ATP6V1C1: variants seen among roughly 807,000 people sequenced by gnomAD.
The protein encoded by ATP6V1C1 is ATPase H+ transporting V1 subunit C1, also known as V-type proton ATPase subunit C 1.
ATP6V1C1 carries 45 observed loss-of-function variants against 53.9 expected under a neutral mutation model. The ratio of observed to expected loss-of-function variants is 0.83; its 90% CI spans 0.66 to 1.07. The LOEUF (loss-of-function observed/expected upper bound fraction) is 1.07. Ranked by LOEUF, ATP6V1C1 falls within the 50% of genes least tolerant of loss-of-function variation. ATP6V1C1 has a pLI of 0.00. For missense variants in ATP6V1C1, 315 were observed against 440.3 expected (o/e 0.72, Z 2.55); for synonymous variants, 153 against 155.2 (o/e 0.99, Z 0.11).
chr8:103,071,548 G>T lies in ATP6V1C1; in HGVS notation c.*2801G>T, dbSNP rs1454955188. 6.6e-6 allele frequency: 1 copy of T among 152,258 alleles called. No individual in the cohort carries two copies. The highest frequency in any genetic ancestry group is 2.4e-5 in the African/African-American group (1 of 41,452). The allele number at this position is 152,258 out of a possible 1,614,324, so 9.4% of individuals were successfully genotyped here. ...TAACCTGAGTCCGAGATGGACAATG[G>T]TATAGGAAAGATATTCGGTATGGAG... On this transcript the variant is annotated 3_prime_UTR_variant, in exon 13 of 13. Transcript: ENST00000518738.
rs1181388029 is a variant in ATP6V1C1, at chr8:103,071,549, T to C, written c.*2802T>C. The C allele has an allele frequency of 3.3e-5, 5 of 152,268 alleles. No homozygotes were observed. Among genetic ancestry groups the C allele is most frequent in the Non-Finnish European group, 5.9e-5 (4 of 68,098 alleles). 9.4% of individuals were successfully genotyped at this position (152,268 alleles called of 1,614,324 possible). A position where few individuals can be genotyped will look rare whatever the true frequency, so the allele number is the denominator to read the frequency against. On this transcript the variant is annotated 3_prime_UTR_variant, in exon 13 of 13. Transcript: ENST00000518738. ...AACCTGAGTCCGAGATGGACAATGG[T>C]ATAGGAAAGATATTCGGTATGGAGA...
chr8:103,064,336 C>T (rs1274800958), intron 10 of ATP6V1C1, among the ~76,000 whole-genome samples: 2 of 152,144 alleles, frequency 1.3e-5, no homozygotes, highest in Non-Finnish European at 1.5e-5. Flanking sequence ...AGTTGAATTT[C>T]ATTTTACATG....
At position 103,052,816 on chromosome 8, in the gene ATP6V1C1, A is replaced by G; in HGVS notation, c.467A>G (p.Lys156Arg). The stretch of plus-strand genomic sequence containing the variant: ...GGAAATCTTCAGAATTTGGAACGAA[A>G]GAATGCGTAAGCAGATCAAGTATAT... ...LKGNLQNLER[K>R]NAGSLLTRSL... The change falls in exon 6 of 13, where the codon AAG (lysine) becomes AGG (arginine). Residue 156 changes from lysine (K) to arginine (R), a missense_variant. Transcript: ENST00000518738. 1 of 1,584,046 alleles carries G rather than the reference A, an allele frequency of 6.3e-7. No homozygotes were observed.
chr8:103,023,111 A>T (rs978215366), intron 1 of ATP6V1C1, among the ~76,000 whole-genome samples: 1 of 152,154 alleles, frequency 6.6e-6, no homozygotes, highest in Admixed American at 6.5e-5. Flanking sequence ...AGGCCCTGAA[A>T]TGTGAAGAGG....
chr8:103,055,164 A>C (rs1377897052), intron 7 of ATP6V1C1, among the ~76,000 whole-genome samples: 2 of 152,166 alleles, frequency 1.3e-5, no homozygotes, highest in Non-Finnish European at 2.9e-5. Flanking sequence ...TTTTGCCCAG[A>C]TGAAATATTT....
chr8:103,029,571 C>T (rs1467732918), intron 1 of ATP6V1C1, among the ~76,000 whole-genome samples: 2 of 152,028 alleles, frequency 1.3e-5, no homozygotes, highest in Non-Finnish European at 2.9e-5. Context: ...CCCAGCCCAT[C>T]TGTTGTTTCT....
chr8:103,055,015 AGGCCTTAAATCT>A (rs1817265720), intron 7 of ATP6V1C1, among the ~76,000 whole-genome samples: 1 of 152,100 alleles, frequency 6.6e-6, no homozygotes, highest in Admixed American at 6.6e-5. Flanking sequence ...CACAGGGAGA[AGGCCTTAAATCT>A]AAGGATTTCA....
At chr8:103,046,231 C>G (rs543790601) in intron 3 of ATP6V1C1, among the ~76,000 whole-genome samples, 1 of 151,488 alleles carries the variant, frequency 6.6e-6, no homozygotes, top group South Asian at 2.1e-4. Flanking sequence ...TTTTCAGAGA[C>G]AGGGTCTTGG....
At chr8:103,054,008 T>G in intron 7 of ATP6V1C1, 26 bp downstream of exon 7, 1 of 1,552,726 alleles carries the variant, frequency 6.4e-7, no homozygotes, top group Non-Finnish European at 8.8e-7. Context: ...ATAAAAGGTT[T>G]TACTTGTTAA....
intron 1 of ATP6V1C1, among the ~76,000 whole-genome samples, chr8:103,027,703 C>CT (rs922086811): frequency 2.0e-4 from 28 of 143,526 alleles, no homozygotes; most frequent in African/African-American, 2.6e-4. Flanking sequence ...ATAATTGTTA[C>CT]TTTTTTTTTT....
chr8:103,064,792 T>C lies in ATP6V1C1; in HGVS notation c.907T>C (p.Phe303Leu). 1 of 1,612,894 alleles carries C rather than the reference T, an allele frequency of 6.2e-7. No homozygotes were observed. The highest frequency in any genetic ancestry group is 8.5e-7 in the Non-Finnish European group (1 of 1,179,568). ...GATTCACGTGAAAGCATTACGGGTT[T>C]TCGTTGAGTCTGTTTTAAGGTAAAG... ...AWIHVKALRV[F>L]VESVLRYGLP... Residue 303 changes from phenylalanine to leucine, a missense_variant, in exon 11 of 13, where the codon TTC (phenylalanine) becomes CTC (leucine). Physicochemically the swap from Phe to Leu is conservative, Grantham distance 22. Coordinates refer to ENST00000518738, the MANE Select transcript of ATP6V1C1 (RefSeq NM_001695.5).
intron 6 of ATP6V1C1, 51 bp from the exon 7 acceptor site, chr8:103,053,833 T>A (rs531212679): frequency 6.1e-6 from 8 of 1,316,082 alleles, no homozygotes; most frequent in Admixed American, 5.2e-5. Context: ...TCTTTACTTG[T>A]GTTACAGAAG....
intron 8 of ATP6V1C1, among the ~76,000 whole-genome samples, chr8:103,057,836 T>G (rs1272737064): frequency 6.6e-6 from 1 of 152,224 alleles, no homozygotes; most frequent in African/African-American, 2.4e-5. Context: ...GAATGTTTTT[T>G]TTTTCATTTG....
intron 1 of ATP6V1C1, among the ~76,000 whole-genome samples, chr8:103,024,413 G>A (rs1340234972): frequency 6.6e-6 from 1 of 152,090 alleles, no homozygotes; most frequent in East Asian, 1.9e-4. Flanking sequence ...CACAACTCAC[G>A]AGATAATACC....
intron 3 of ATP6V1C1, among the ~76,000 whole-genome samples, chr8:103,048,526 G>C (rs943058189): frequency 6.6e-6 from 1 of 152,132 alleles, no homozygotes. Flanking sequence ...CTCCTCCTTT[G>C]TTCTCAGTCC....
intron 1 of ATP6V1C1, among the ~76,000 whole-genome samples, chr8:103,026,770 G>A (rs188405859): frequency 1.3e-4 from 20 of 152,140 alleles, no homozygotes; most frequent in African/African-American, 4.6e-4. Flanking sequence ...CCGAGATCGC[G>A]CCAGTGCACT....
chr8:103,068,824 T>G lies in ATP6V1C1; in HGVS notation c.*77T>G. The stretch of plus-strand genomic sequence containing the variant: ...GAAATAAGTTGCAGTATGGTCGTAC[T>G]TTTAACTCTAGTATCCTTTGCTTGC... On this transcript the variant is annotated 3_prime_UTR_variant, in exon 13 of 13. Coordinates refer to ENST00000518738, the MANE Select transcript of ATP6V1C1 (RefSeq NM_001695.5). The G allele has an allele frequency of 3.9e-6, 5 of 1,282,750 alleles. No homozygotes were observed. The highest frequency in any genetic ancestry group is 5.5e-6 in the Non-Finnish European group (5 of 912,598). 79.5% of individuals were successfully genotyped at this position (1,282,750 alleles called of 1,614,324 possible).
At chr8:103,054,010 A>G in intron 7 of ATP6V1C1, 28 bp downstream of exon 7, 3 of 1,540,836 alleles carry the variant, frequency 1.9e-6, no homozygotes, top group Non-Finnish European at 2.7e-6. Flanking sequence ...AAAAGGTTTT[A>G]CTTGTTAAAA....
At chr8:103,058,738 T>C (rs1817335568) in intron 8 of ATP6V1C1, among the ~76,000 whole-genome samples, 1 of 152,368 alleles carries the variant, frequency 6.6e-6, no homozygotes, top group South Asian at 2.1e-4. Flanking sequence ...TTCTTCTAAC[T>C]GTCCTCAAAC....
Sources: allele counts gnomAD v4.1 joint callset (sites outside exome capture counted in the v4.1 genomes callset), GRCh38; gene constraint gnomAD v4.1.1; transcripts MANE v1.5; gene names NCBI Gene and HGNC (gene_info 2026-07-23, HGNC 2026-07-21).